TRIM7: variants seen among roughly 807,000 people sequenced by gnomAD.
TRIM7 encodes tripartite motif containing 7, also known as E3 ubiquitin-protein ligase TRIM7.
A neutral mutation model predicts 37.9 loss-of-function variants in TRIM7; 32 were observed. The observed-to-expected ratio is 0.84, with a 90% CI of 0.64 to 1.13. The LOEUF is 1.13. Ranked by LOEUF, TRIM7 falls within the 50% of genes most tolerant of loss-of-function variation. The pLI is 0.00. For missense variants in TRIM7, 732 were observed against 714.0 expected (o/e 1.03, Z -0.29); for synonymous variants, 351 against 321.3 (o/e 1.09, Z -0.99).
chr5:181,201,428 T>G (rs1757475961), intron 2 of TRIM7, among the ~76,000 whole-genome samples: 5 of 152,140 alleles, frequency 3.3e-5, no homozygotes, highest in Admixed American at 3.3e-4. Context: ...ATGAGACAAG[T>G]GTCATAAATC....
At position 181,195,203 on chromosome 5, in the gene TRIM7, A is replaced by T. The variant is rs753637955; in HGVS notation, c.1499T>A (p.Val500Asp). ...FQERVFPLFS[V>D]CSTGTYLRIW... is the part of the protein sequence containing the mutation. ...TCGCAAGTAGGTGCCCGTGGAGCAA[A>T]CAGAGAAAAGCGGGAACACGCGCTC... is the stretch of plus-strand genomic sequence containing the variant. Residue 500 changes from valine (V) to aspartate (D), a missense_variant, in exon 7 of 7, where the codon GTT becomes GAT. By Grantham distance (152) the Val-to-Asp change is radical (BLOSUM62 -3). Coordinates refer to ENST00000274773, the MANE Select transcript of TRIM7 (RefSeq NM_203293.3). The T allele has an allele frequency of 6.2e-7, 1 of 1,610,924 alleles. No homozygotes were observed. The highest frequency in any genetic ancestry group is 1.3e-5 in the African/African-American group (1 of 74,992).
At chr5:181,197,949 T>C (rs1174609003) in intron 6 of TRIM7, 4 of 572,494 alleles carry the variant, frequency 7.0e-6, no homozygotes, top group Admixed American at 3.0e-5. Context: ...TATCTCGAGG[T>C]ACAGGGCATT....
Position 181,200,231 on chromosome 5 carries a change from A to G in TRIM7, c.619-150T>C, listed in dbSNP as rs1480909165. The G allele has an allele frequency of 3.3e-6, 5 of 1,526,496 alleles. No homozygotes were observed. The African/African-American group carries it at 4.1e-5, about 13-fold the overall frequency. The allele number at this position is 1,526,496 out of a possible 1,614,324, so 94.6% of individuals were successfully genotyped here. A position where few individuals can be genotyped will look rare whatever the true frequency, so the allele number is the denominator to read the frequency against. ...CACCTACGCACGCAGTGCGTGCTCT[A>G]TTGTCAGTGTCCCAGCTCTGAACAA... On this transcript the variant is annotated intron_variant, in intron 2 of 6. Transcript: ENST00000274773.
chr5:181,199,628 G>A, intron 3 of TRIM7: 2 of 666,142 alleles, frequency 3.0e-6, no homozygotes, highest in Non-Finnish European at 4.8e-6. Flanking sequence ...TCTCAAGCTT[G>A]TGATTCTGAA....
At chr5:181,203,177 T>G in intron 2 of TRIM7, 3 of 750,216 alleles carry the variant, frequency 4.0e-6, no homozygotes, top group Non-Finnish European at 5.1e-6. Flanking sequence ...TGTATTAATA[T>G]TCCCACTTAT....
At position 181,195,181 on chromosome 5, in the gene TRIM7, C is replaced by T; in HGVS notation, c.1521G>A (p.Leu507=). Residue 507 remains leucine, a synonymous_variant, in exon 7 of 7, where the codon TTG becomes TTA. Transcript: ENST00000274773. The part of the protein sequence containing the change: ...LFSVCSTGTY[L]RIWP ...GCAGTGCCCCTCAAGGCCAGATTCG[C>T]AAGTAGGTGCCCGTGGAGCAAACAG... The T allele has an allele frequency of 6.2e-7, 1 of 1,602,068 alleles. No individual in the cohort carries two copies. The highest frequency in any genetic ancestry group is 8.5e-7 in the Non-Finnish European group (1 of 1,172,690).
chr5:181,194,426 C>G lies in TRIM7; in HGVS notation c.*740G>C, dbSNP rs1756975003. On this transcript the variant is annotated 3_prime_UTR_variant, in exon 7 of 7. Transcript: ENST00000274773. ...ATAAAGTTCCAGAAGCTTTGCTCTC[C>G]TTATCCAAGCAGCGTTTGTACTTTG... 1 of 152,250 alleles carries G rather than the reference C, an allele frequency of 6.6e-6. No individual in the cohort carries two copies. The highest frequency in any genetic ancestry group is 1.5e-5 in the Non-Finnish European group (1 of 68,104). The allele number at this position is 152,250 out of a possible 1,614,324, so 9.4% of individuals were successfully genotyped here.
chr5:181,199,829 C>T (rs199763714), intron 3 of TRIM7, 22 bp downstream of exon 3: 249 of 1,603,714 alleles, frequency 1.6e-4, no homozygotes, highest in Non-Finnish European at 2.0e-4. Context: ...ATGACTCGAG[C>T]CCCTGGCTGA....
chr5:181,204,595 C>T lies in TRIM7; in HGVS notation c.516G>A (p.Glu172=). The change falls in exon 1 of 7, where the codon GAG becomes GAA. Residue 172 remains glutamate, a synonymous_variant. Coordinates refer to ENST00000274773, the MANE Select transcript of TRIM7 (RefSeq NM_203293.3). The part of the protein sequence containing the change: ...AVLPLDEAVQ[E]AKELLESRLR... Reference sequence around the variant, plus strand: ...GGGTGGGGGCTGCGCTCACCTTGGCCTCCTGCACCGCCTCGTCCAGCGGCA... The same window carrying T: ...GGGTGGGGGCTGCGCTCACCTTGGCTTCCTGCACCGCCTCGTCCAGCGGCA... The T allele has an allele frequency of 7.0e-7, 1 of 1,436,578 alleles. No homozygotes were observed. The highest frequency in any genetic ancestry group is 9.1e-7 in the Non-Finnish European group (1 of 1,104,896). 89.0% of individuals were successfully genotyped at this position (1,436,578 alleles called of 1,614,324 possible). A position where few individuals can be genotyped will look rare whatever the true frequency, so the allele number is the denominator to read the frequency against.
rs1757714496 is a variant in TRIM7, at chr5:181,204,720, C to T, written c.391G>A (p.Gly131Arg). ...AGCTTGAAGGGTTCGCCATGCTGCC[C>T]GCAGCGGGCAGCCGCTGCCCGGGCC... ...AAARAAAARC[G>R]QHGEPFKLYC... The change falls in exon 1 of 7, where the codon GGG becomes AGG. Residue 131 changes from glycine (G) to arginine (R), a missense_variant. Gly to Arg is a moderately radical substitution (Grantham distance 125). Transcript: ENST00000274773. 1 of 1,480,666 alleles carries T rather than the reference C, an allele frequency of 6.8e-7. No individual in the cohort carries two copies. Among genetic ancestry groups the T allele is most frequent in the East Asian group, 2.9e-5 (1 of 34,376 alleles). 91.7% of individuals were successfully genotyped at this position (1,480,666 alleles called of 1,614,324 possible).
chr5:181,199,865 G>T lies in TRIM7; in HGVS notation c.835C>A (p.Leu279Ile). The change falls in exon 3 of 7, where the codon CTT (leucine) becomes ATT (isoleucine). Residue 279 changes from leucine to isoleucine, a missense_variant. Leu to Ile is a conservative substitution (Grantham distance 5). Transcript: ENST00000274773. ...QIQETAQKPD[L>I]DFLQEFKSTL... ...GCCAGACTTACCTGGAGAAAGTCAA[G>T]GTCAGGCTTTTGAGCTGTCTCCTGG... 6.2e-7 allele frequency: 1 copy of T among 1,613,878 alleles called. No homozygotes were observed.
chr5:181,196,786 C>G (rs1015742429), intron 6 of TRIM7: 3 of 152,224 alleles, frequency 2.0e-5, no homozygotes, highest in African/African-American at 4.8e-5. Flanking sequence ...TAATTGATCA[C>G]TGCGGACGGT....
chr5:181,204,745 C>G lies in TRIM7; in HGVS notation c.366G>C (p.Ala122=), dbSNP rs995147582. ...CGCAGCGGGCAGCCGCTGCCCGGGC[C>G]GCGGCCGCCTGAGACCCGTGCTCTC... ...APGEHGSQAA[A]ARAAAARCGQ... is the part of the protein sequence containing the mutation. The change falls in exon 1 of 7, where the codon GCG becomes GCC. Residue 122 remains alanine (A), a synonymous_variant. Transcript: ENST00000274773. 1.4e-6 allele frequency: 2 copies of G among 1,458,494 alleles called. No individual in the cohort carries two copies. Among genetic ancestry groups the G allele is most frequent in the African/African-American group, 1.5e-5 (1 of 67,072 alleles). 90.3% of individuals were successfully genotyped at this position (1,458,494 alleles called of 1,614,324 possible). A position where few individuals can be genotyped will look rare whatever the true frequency, so the allele number is the denominator to read the frequency against.
At chr5:181,200,314 T>G in intron 2 of TRIM7, 2 of 1,433,812 alleles carry the variant, frequency 1.4e-6, no homozygotes, top group Admixed American at 2.9e-5. Context: ...CACACATGTC[T>G]GTGGACCTGT....
In TRIM7 at chr5:181,195,132, C is replaced by T; in HGVS notation, c.*34G>A. ...GGGAGGCGACATCCCCTCCCACCGG[C>T]AGCCCAGAGACAGGAGCTCCCCAGC... On this transcript the variant is annotated 3_prime_UTR_variant, in exon 7 of 7. Coordinates refer to ENST00000274773, the MANE Select transcript of TRIM7 (RefSeq NM_203293.3). 2 of 1,555,630 alleles carry T rather than the reference C, an allele frequency of 1.3e-6. No individual in the cohort carries two copies. Among genetic ancestry groups the T allele is most frequent in the Non-Finnish European group, 1.7e-6 (2 of 1,147,912 alleles).
intron 2 of TRIM7, chr5:181,202,934 TATC>T (rs1286502451): frequency 6.6e-6 from 1 of 152,238 alleles, no homozygotes; most frequent in Non-Finnish European, 1.5e-5. Context: ...GAAGATAAAA[TATC>T]ATTCCAACTT....
intron 2 of TRIM7, chr5:181,203,136 T>C (rs754548914): frequency 1.9e-5 from 9 of 466,332 alleles, no homozygotes; most frequent in Non-Finnish European, 2.6e-5. Flanking sequence ...ACTACTGTTT[T>C]GTTGACAAAA....
chr5:181,203,258 G>A, intron 2 of TRIM7: 2 of 1,255,986 alleles, frequency 1.6e-6, no homozygotes, highest in South Asian at 3.0e-5. Context: ...GCCCTAACTG[G>A]TATGTTACGT....
intron 2 of TRIM7, 55 bp from the exon 3 acceptor site, chr5:181,200,136 G>A: frequency 6.2e-7 from 1 of 1,614,094 alleles, no homozygotes; most frequent in African/African-American, 1.3e-5. Context: ...ATAACATTTG[G>A]CCAGTGGCCT....
Sources: gnomAD v4.1 joint callset for allele counts (sites outside exome capture counted in the v4.1 genomes callset) on GRCh38, gnomAD v4.1.1 for gene constraint, MANE v1.5 for transcripts, NCBI Gene and HGNC (gene_info 2026-07-23, HGNC 2026-07-21) for gene names.